The following CSMD1 variants were observed in gnomAD, a reference collection of about 807,000 sequenced individuals.
CSMD1 encodes the protein CUB and sushi domain-containing protein 1.
A neutral mutation model predicts 417.5 loss-of-function variants in CSMD1; 213 were observed. That is an observed-to-expected ratio of 0.51 (90% CI 0.46 to 0.57). The LOEUF (loss-of-function observed/expected upper bound fraction) is 0.57, where lower values mean the gene tolerates loss of function less well. Ranked by LOEUF, CSMD1 falls within the 20% of genes least tolerant of loss-of-function variation. The probability of loss-of-function intolerance (pLI) is 0.00; values close to 1 mark genes in which losing one functional copy is unlikely to be tolerated. For missense variants in CSMD1, 6,923 were observed against 4,529.7 expected (o/e 1.53, Z -15.17); for synonymous variants, 2,862 against 1,736.8 (o/e 1.65, Z -16.11).
chr8:3,731,407 G>A (rs1343073329), intron 6 of CSMD1, among the ~76,000 whole-genome samples: 1 of 152,178 alleles, frequency 6.6e-6, no homozygotes, highest in African/African-American at 2.4e-5. Context: ...CTTGGTAAGA[G>A]TGTGGGATTC....
chr8:2,948,146 G>T (rs1335406522), intron 68 of CSMD1, among the ~76,000 whole-genome samples: 2 of 151,978 alleles, frequency 1.3e-5, no homozygotes, highest in African/African-American at 4.8e-5. Context: ...GAAATATGGT[G>T]CCAAGGTTGT....
At chr8:4,319,867 G>A (rs538209518) in intron 3 of CSMD1, among the ~76,000 whole-genome samples, 1 of 152,254 alleles carries the variant, frequency 6.6e-6, no homozygotes, top group East Asian at 1.9e-4. Flanking sequence ...GCAGGTAACA[G>A]AGGTACCCAA....
intron 52 of CSMD1, among the ~76,000 whole-genome samples, chr8:3,005,037 G>T (rs1337851167): frequency 6.6e-6 from 1 of 152,184 alleles, no homozygotes; most frequent in Admixed American, 6.5e-5. Flanking sequence ...TGCTCGGGAG[G>T]CTGAGGCAGA....
intron 5 of CSMD1, among the ~76,000 whole-genome samples, chr8:3,918,175 CA>C (rs1808958313): frequency 6.6e-6 from 1 of 151,972 alleles, no homozygotes; most frequent in Non-Finnish European, 1.5e-5. Flanking sequence ...AGTGTGTGTT[CA>C]AAATCCTGAT....
chr8:3,846,554 G>C (rs546587206), intron 5 of CSMD1, among the ~76,000 whole-genome samples: 1 of 152,334 alleles, frequency 6.6e-6, no homozygotes, highest in South Asian at 2.1e-4. Flanking sequence ...TAGAGCATAT[G>C]AAATGTTTGA....
At position 3,926,201 on chromosome 8, in the gene CSMD1, G is replaced by C. The variant is rs567287511; in HGVS notation, c.818+71702C>G. On this transcript the variant is annotated intron_variant, in intron 5 of 69. Coordinates refer to ENST00000635120, the MANE Select transcript of CSMD1 (RefSeq NM_033225.6). ...ATATTTTTCCCAGACATGATTTTAA[G>C]TACTAATAACGTATGTTGATTTATT... Among the ~76,000 whole-genome samples, 10 of 151,978 alleles carry C rather than the reference G, an allele frequency of 6.6e-5. 2 individuals carry two copies. Among genetic ancestry groups the C allele is most frequent in the African/African-American group, 2.4e-4 (10 of 41,482 alleles).
At chr8:3,530,079 C>A (rs937862948) in intron 10 of CSMD1, among the ~76,000 whole-genome samples, 1 of 152,100 alleles carries the variant, frequency 6.6e-6, no homozygotes, top group East Asian at 1.9e-4. Context: ...TTTTCATAAT[C>A]CATGACACTA....
chr8:3,383,371 A>C (rs1340057939), intron 18 of CSMD1, among the ~76,000 whole-genome samples: 1 of 152,106 alleles, frequency 6.6e-6, no homozygotes, highest in South Asian at 2.1e-4. Context: ...GCCTTCTTCC[A>C]CACTAGGAAA....
chr8:3,618,720 A>G (rs928654568), intron 7 of CSMD1, among the ~76,000 whole-genome samples: 3 of 152,172 alleles, frequency 2.0e-5, no homozygotes, highest in African/African-American at 7.2e-5. Context: ...CAGTAAAAAA[A>G]TCTGTAACAA....
At chr8:4,805,905 T>C (rs1798560361) in intron 1 of CSMD1, among the ~76,000 whole-genome samples, 2 of 152,160 alleles carry the variant, frequency 1.3e-5, no homozygotes. Context: ...GTGACTCAAA[T>C]GCGATGGCTT....
At chr8:3,853,145 G>A (rs1019992201) in intron 5 of CSMD1, among the ~76,000 whole-genome samples, 1 of 152,054 alleles carries the variant, frequency 6.6e-6, no homozygotes, top group African/African-American at 2.4e-5. Context: ...CTGAGCCCGC[G>A]TCCCTTGGCT....
chr8:4,744,476 G>T (rs1810822608), intron 1 of CSMD1, among the ~76,000 whole-genome samples: 1 of 152,098 alleles, frequency 6.6e-6, no homozygotes, highest in African/African-American at 2.4e-5. Flanking sequence ...CATAAGTGAG[G>T]AATTATATTT....
intron 1 of CSMD1, among the ~76,000 whole-genome samples, chr8:4,650,050 G>A (rs577161008): frequency 2.6e-5 from 4 of 152,290 alleles, no homozygotes; most frequent in South Asian, 2.1e-4. Flanking sequence ...AGCTTTACGT[G>A]TGAATATGTA....
intron 2 of CSMD1, among the ~76,000 whole-genome samples, chr8:4,608,350 G>A (rs373910524): frequency 9.2e-5 from 14 of 152,206 alleles, no homozygotes; most frequent in African/African-American, 3.1e-4. Context: ...GGTAGCCACG[G>A]TGGTGGCTGA....
chr8:4,671,584 G>A (rs142517365), intron 1 of CSMD1, among the ~76,000 whole-genome samples: 9 of 152,156 alleles, frequency 5.9e-5, no homozygotes, highest in Middle Eastern at 6.3e-3. Context: ...ACTTTGAATA[G>A]TCTCAAACAA....
chr8:4,269,942 G>T (rs894004066), intron 3 of CSMD1, among the ~76,000 whole-genome samples: 1 of 152,134 alleles, frequency 6.6e-6, no homozygotes, highest in Non-Finnish European at 1.5e-5. Context: ...CCAACAGTTG[G>T]GGGAAACCAC....
intron 18 of CSMD1, among the ~76,000 whole-genome samples, chr8:3,381,168 G>A (rs1810604505): frequency 6.6e-6 from 1 of 151,844 alleles, no homozygotes; most frequent in Non-Finnish European, 1.5e-5. Flanking sequence ...TACATTCAGA[G>A]TACTACAACT....
At chr8:3,564,481 A>G (rs1799609595) in intron 10 of CSMD1, among the ~76,000 whole-genome samples, 1 of 150,858 alleles carries the variant, frequency 6.6e-6, no homozygotes, top group Admixed American at 6.6e-5. Context: ...CTGATAAGGG[A>G]TTAGTCTTCT....
intron 47 of CSMD1, among the ~76,000 whole-genome samples, chr8:3,093,154 G>C (rs1815064643): frequency 6.6e-6 from 1 of 152,272 alleles, no homozygotes; most frequent in African/African-American, 2.4e-5. Context: ...TAAAGAGAGA[G>C]AGGGAGGGTC....
Sources: gnomAD v4.1 joint callset for allele counts (sites outside exome capture counted in the v4.1 genomes callset) on GRCh38, gnomAD v4.1.1 for gene constraint, MANE v1.5 for transcripts, NCBI Gene and HGNC (gene_info 2026-07-23, HGNC 2026-07-21) for gene names.